ZBTB20: variants seen among roughly 807,000 people sequenced by gnomAD.
ZBTB20 encodes the protein zinc finger and BTB domain containing 20.
Under a neutral mutation model 56.9 loss-of-function variants are expected in ZBTB20, and 9 were observed. The observed-to-expected ratio is 0.16, with a 90% confidence interval of 0.10 to 0.28. ZBTB20 has a LOEUF of 0.28. Among genes scored for constraint, ZBTB20 ranks in the 10% least tolerant of loss-of-function variants. The probability of loss-of-function intolerance (pLI) is 1.00; values close to 1 mark genes in which losing one functional copy is unlikely to be tolerated. For missense variants in ZBTB20, 655 were observed against 1,003.0 expected (o/e 0.65, Z 4.69); for synonymous variants, 417 against 420.7 (o/e 0.99, Z 0.11).
chr3:114,887,565 C>T (rs960746190), intron 4 of ZBTB20, among the ~76,000 whole-genome samples: 2 of 152,088 alleles, frequency 1.3e-5, no homozygotes, highest in Admixed American at 1.3e-4. Context: ...AAGATGAAGG[C>T]AGAGTTTGAC....
At chr3:114,894,358 T>A (rs1452147848) in intron 4 of ZBTB20, among the ~76,000 whole-genome samples, 2 of 152,144 alleles carry the variant, frequency 1.3e-5, no homozygotes, top group Non-Finnish European at 2.9e-5. Context: ...CTCACATAAA[T>A]GTGCATATGT....
At chr3:114,683,833 A>G (rs887366072) in intron 6 of ZBTB20, among the ~76,000 whole-genome samples, 3 of 152,048 alleles carry the variant, frequency 2.0e-5, no homozygotes, top group African/African-American at 7.2e-5. Context: ...GGTGCAGCTG[A>G]AGGGACCATG....
At chr3:115,142,187 C>G (rs2084829790) in intron 1 of ZBTB20, among the ~76,000 whole-genome samples, 1 of 152,190 alleles carries the variant, frequency 6.6e-6, no homozygotes, top group Admixed American at 6.5e-5. Flanking sequence ...TCAAGGACCA[C>G]AGGCAGGACT....
chr3:114,630,237 G>A (rs2058869709), intron 6 of ZBTB20, among the ~76,000 whole-genome samples: 1 of 152,128 alleles, frequency 6.6e-6, no homozygotes, highest in Admixed American at 6.5e-5. Flanking sequence ...CTCCATCCCT[G>A]GACTGAGATC....
chr3:114,606,752 T>C (rs1480528898), intron 6 of ZBTB20, among the ~76,000 whole-genome samples: 1 of 152,166 alleles, frequency 6.6e-6, no homozygotes, highest in Non-Finnish European at 1.5e-5. Flanking sequence ...GGAGTTACTA[T>C]ATAGCTTTAT....
At chr3:114,599,513 T>C (rs908703181) in intron 6 of ZBTB20, among the ~76,000 whole-genome samples, 2 of 152,096 alleles carry the variant, frequency 1.3e-5, no homozygotes, top group Middle Eastern at 3.2e-3. Flanking sequence ...GTATAACTGT[T>C]CATCTTTTAA....
intron 7 of ZBTB20, among the ~76,000 whole-genome samples, chr3:114,391,956 C>A (rs1330185591): frequency 6.6e-6 from 1 of 152,108 alleles, no homozygotes; most frequent in Non-Finnish European, 1.5e-5. Context: ...GGGTGTGTAA[C>A]CTGCAAAAAT....
intron 2 of ZBTB20, among the ~76,000 whole-genome samples, chr3:115,026,424 A>G (rs746082744): frequency 4.6e-5 from 7 of 151,026 alleles, no homozygotes; most frequent in Non-Finnish European, 7.4e-5. Flanking sequence ...TTCACCTAAC[A>G]TCTTTAAAAC....
chr3:114,633,391 A>C (rs1377176624), intron 6 of ZBTB20, among the ~76,000 whole-genome samples: 1 of 152,190 alleles, frequency 6.6e-6, no homozygotes, highest in Non-Finnish European at 1.5e-5. Context: ...TGCTGCATAC[A>C]TTCTATTCTT....
chr3:114,679,585 T>C (rs1371029117), intron 6 of ZBTB20, among the ~76,000 whole-genome samples: 1 of 152,192 alleles, frequency 6.6e-6, no homozygotes, highest in African/African-American at 2.4e-5. Flanking sequence ...CACAATAAGA[T>C]ACTATCTCAC....
chr3:114,386,134 A>G (rs2085090768), intron 8 of ZBTB20, among the ~76,000 whole-genome samples: 1 of 152,152 alleles, frequency 6.6e-6, no homozygotes, highest in South Asian at 2.1e-4. Context: ...CCTGGACACT[A>G]TGGTCTATTC....
chr3:114,845,606 C>T (rs1039482827), intron 4 of ZBTB20, among the ~76,000 whole-genome samples: 2 of 151,872 alleles, frequency 1.3e-5, no homozygotes, highest in African/African-American at 4.8e-5. Context: ...TGTAAATAAG[C>T]CTCAGGATGA....
intron 4 of ZBTB20, among the ~76,000 whole-genome samples, chr3:114,839,425 A>C (rs1477976924): frequency 6.7e-6 from 1 of 150,176 alleles, no homozygotes; most frequent in Admixed American, 6.7e-5. Context: ...GAAAGAAAGA[A>C]AGAAAGAAAG....
chr3:114,508,905 C>A (rs2044981649), intron 6 of ZBTB20, among the ~76,000 whole-genome samples: 1 of 152,126 alleles, frequency 6.6e-6, no homozygotes, highest in South Asian at 2.1e-4. Flanking sequence ...AGGTCTAAGA[C>A]CTTTCAAAAG....
intron 2 of ZBTB20, among the ~76,000 whole-genome samples, chr3:115,016,102 G>C (rs1226517599): frequency 6.6e-6 from 1 of 151,906 alleles, no homozygotes; most frequent in Non-Finnish European, 1.5e-5. Flanking sequence ...TTTGTTGGCT[G>C]CATAAATGTC....
Position 114,603,768 on chromosome 3 carries a change from A to G in ZBTB20, c.-295+89760T>C, listed in dbSNP as rs1448412207. Among the ~76,000 whole-genome samples, 6 of 152,104 alleles carry G rather than the reference A, an allele frequency of 3.9e-5. No homozygotes were observed. In the East Asian group the frequency reaches 1.2e-3, roughly 29 times the overall value. ...GACACCTTATGGAAAAATAAACGCT[A>G]ATGACATTAAACATATTAAAAAAGA... On this transcript the variant is annotated intron_variant, in intron 6 of 11. Transcript: ENST00000675478.
At chr3:114,822,044 C>A (rs747860620) in intron 4 of ZBTB20, among the ~76,000 whole-genome samples, 1 of 151,944 alleles carries the variant, frequency 6.6e-6, no homozygotes, top group Non-Finnish European at 1.5e-5. Context: ...TGAAAAAAAT[C>A]TCAGAAATAT....
chr3:114,630,035 G>C (rs905511968), intron 6 of ZBTB20, among the ~76,000 whole-genome samples: 16 of 152,164 alleles, frequency 1.1e-4, no homozygotes, highest in Non-Finnish European at 1.9e-4. Flanking sequence ...AGCTACTTGT[G>C]GGGCTGAGGT....
chr3:114,650,448 A>T (rs2060070754), intron 6 of ZBTB20, among the ~76,000 whole-genome samples: 2 of 139,520 alleles, frequency 1.4e-5, no homozygotes, highest in South Asian at 4.4e-4. Flanking sequence ...AAGAAATATT[A>T]ACATCTATTT....
Sources: gnomAD v4.1 joint callset for allele counts (sites outside exome capture counted in the v4.1 genomes callset) on GRCh38, gnomAD v4.1.1 for gene constraint, MANE v1.5 for transcripts, NCBI Gene and HGNC (gene_info 2026-07-23, HGNC 2026-07-21) for gene names.